Variants in NEDD4L observed in about 807,000 individuals in gnomAD.
The protein encoded by NEDD4L is E3 ubiquitin-protein ligase NEDD4-like.
In NEDD4L, 54 loss-of-function variants were observed where a neutral mutation model predicts 148.9. The observed-to-expected ratio is 0.36, with a 90% CI of 0.29 to 0.45. The LOEUF is 0.45. Ranked by LOEUF, NEDD4L falls within the 20% of genes least tolerant of loss-of-function variation. NEDD4L has a pLI of 1.00. For synonymous variants in NEDD4L, 433 were observed against 440.7 expected, an observed-to-expected ratio of 0.98 and a Z score of 0.22; for missense variants, 856 against 1,233.8, an observed-to-expected ratio of 0.69 and a Z score of 4.59.
At chr18:58,367,691 C>CA in intron 21 of NEDD4L, 55 bp from the exon 22 acceptor site, 1 of 1,605,196 alleles carries the variant, frequency 6.2e-7, no homozygotes, top group Non-Finnish European at 8.5e-7. Context: ...AACAAATATG[C>CA]AAAATCTTGC....
chr18:58,301,094 G>A lies in NEDD4L; in HGVS notation c.298-14888G>A, dbSNP rs1252104858. Among the ~76,000 whole-genome samples, 4 of 152,116 alleles carry A rather than the reference G, an allele frequency of 2.6e-5. No individual in the cohort carries two copies. In the East Asian group the frequency reaches 7.7e-4, roughly 29 times the overall value. ...TTCCCTTGGGTTCCATAGTGTGTTA[G>A]TCACCAGGTTCCTTTAACTCTCTCA... On this transcript the variant is annotated intron_variant, in intron 5 of 30. Coordinates refer to ENST00000400345, the MANE Select transcript of NEDD4L (RefSeq NM_001144967.3).
At chr18:58,391,735 G>T (rs2049860259) in intron 30 of NEDD4L, among the ~76,000 whole-genome samples, 176 bp downstream of exon 30, 1 of 152,228 alleles carries the variant, frequency 6.6e-6, no homozygotes, top group African/African-American at 2.4e-5. Context: ...AAGACATAAT[G>T]CACTCAGTAT....
At chr18:58,286,041 A>C (rs1182691248) in intron 5 of NEDD4L, among the ~76,000 whole-genome samples, 1 of 152,230 alleles carries the variant, frequency 6.6e-6, no homozygotes, top group Non-Finnish European at 1.5e-5. Flanking sequence ...AGAATATTAG[A>C]GCATTTTGCA....
intron 2 of NEDD4L, among the ~76,000 whole-genome samples, chr18:58,230,453 G>T (rs1459169500): frequency 2.0e-5 from 3 of 149,646 alleles, no homozygotes; most frequent in African/African-American, 7.4e-5. Context: ...GTTTCTTTGA[G>T]TGTATGTGAG....
intron 2 of NEDD4L, among the ~76,000 whole-genome samples, chr18:58,184,435 CTGGAGTCAATCATGCCGGGCACT>C (rs2039216344): frequency 6.6e-6 from 1 of 151,958 alleles, no homozygotes; most frequent in Non-Finnish European, 1.5e-5. Context: ...TGCTGGGCAC[CTGGAGTCAATCATGCCGGGCACT>C]AGCATCCGTC....
chr18:58,201,028 G>A (rs1214981146), intron 2 of NEDD4L, among the ~76,000 whole-genome samples: 1 of 152,152 alleles, frequency 6.6e-6, no homozygotes, highest in Non-Finnish European at 1.5e-5. Context: ...GTGTGTGTAT[G>A]TTAATGTTAG....
intron 2 of NEDD4L, among the ~76,000 whole-genome samples, chr18:58,216,647 G>A (rs1018887527): frequency 5.9e-5 from 9 of 152,182 alleles, no homozygotes; most frequent in Non-Finnish European, 1.0e-4. Flanking sequence ...AACTGGCTGG[G>A]GGCCACTGAG....
intron 5 of NEDD4L, among the ~76,000 whole-genome samples, chr18:58,290,332 C>A (rs541622805): frequency 1.3e-5 from 2 of 152,216 alleles, no homozygotes; most frequent in Non-Finnish European, 2.9e-5. Context: ...GATCCACATT[C>A]GTCATTGAAC....
chr18:58,223,785 G>A (rs770149034), intron 2 of NEDD4L, among the ~76,000 whole-genome samples: 1 of 152,232 alleles, frequency 6.6e-6, no homozygotes, highest in Non-Finnish European at 1.5e-5. Flanking sequence ...TTCAGAGGCC[G>A]TTGGCCTTCA....
intron 1 of NEDD4L, among the ~76,000 whole-genome samples, chr18:58,062,533 C>T (rs2144715638): frequency 6.6e-6 from 1 of 152,226 alleles, no homozygotes; most frequent in East Asian, 1.9e-4. Context: ...AAAAGGAGAG[C>T]TTAAAACTTA....
At chr18:58,267,185 C>T (rs2050337872) in intron 5 of NEDD4L, among the ~76,000 whole-genome samples, 1 of 151,946 alleles carries the variant, frequency 6.6e-6, no homozygotes, top group African/African-American at 2.4e-5. Flanking sequence ...AGAATATGCT[C>T]CTGAAGTTAA....
In NEDD4L at chr18:58,325,120, A is replaced by G. The variant is rs2059195284; in HGVS notation, c.638A>G (p.Asn213Ser). 1.9e-6 allele frequency: 3 copies of G among 1,614,040 alleles called. No homozygotes were observed. Among genetic ancestry groups the G allele is most frequent in the Non-Finnish European group, 2.5e-6 (3 of 1,179,890 alleles). ...AATTTAGGCCGAACTTACTATGTCAACCACAACAACCGGACCACTCAGTGG... is the reference window on the plus strand; with the variant it reads ...AATTTAGGCCGAACTTACTATGTCAGCCACAACAACCGGACCACTCAGTGG... Reference protein sequence around the residue: ...VDNLGRTYYVNHNNRTTQWHR... With the variant: ...VDNLGRTYYVSHNNRTTQWHR... The change falls in exon 9 of 31, where the codon AAC (asparagine) becomes AGC (serine). Residue 213 changes from asparagine (N) to serine (S), a missense_variant. Asn to Ser is a conservative substitution (Grantham distance 46). Coordinates refer to ENST00000400345, the MANE Select transcript of NEDD4L (RefSeq NM_001144967.3).
chr18:58,278,827 A>G (rs2052557254), intron 5 of NEDD4L, among the ~76,000 whole-genome samples: 1 of 152,164 alleles, frequency 6.6e-6, no homozygotes, highest in Non-Finnish European at 1.5e-5. Context: ...TTCAGAATAA[A>G]ATTGTTCACA....
chr18:58,185,986 AC>A (rs1177513295), intron 2 of NEDD4L, among the ~76,000 whole-genome samples: 1 of 152,198 alleles, frequency 6.6e-6, no homozygotes, highest in East Asian at 1.9e-4. Context: ...ACATATGCAC[AC>A]GTACAGAGAA....
At chr18:58,163,047 G>C (rs2036413833) in intron 1 of NEDD4L, among the ~76,000 whole-genome samples, 1 of 149,070 alleles carries the variant, frequency 6.7e-6, no homozygotes. Flanking sequence ...TTGGGTGATA[G>C]AGTAAGACTC....
intron 1 of NEDD4L, among the ~76,000 whole-genome samples, chr18:58,049,300 A>G (rs928763298): frequency 5.9e-5 from 9 of 152,244 alleles, no homozygotes; most frequent in African/African-American, 2.2e-4. Flanking sequence ...AGCCAACTGG[A>G]TGGCCGTCTG....
chr18:58,133,939 C>A (rs1220447141), intron 1 of NEDD4L, among the ~76,000 whole-genome samples: 1 of 152,100 alleles, frequency 6.6e-6, no homozygotes, highest in Non-Finnish European at 1.5e-5. Context: ...TACTTTATGT[C>A]CATTGTAGGG....
At chr18:58,146,704 G>T (rs1432412582) in intron 1 of NEDD4L, among the ~76,000 whole-genome samples, 1 of 152,076 alleles carries the variant, frequency 6.6e-6, no homozygotes, top group East Asian at 1.9e-4. Flanking sequence ...AGTGGCTAGG[G>T]AGGCAGGCAG....
At chr18:58,197,075 C>T (rs753819272) in intron 2 of NEDD4L, among the ~76,000 whole-genome samples, 3 of 152,082 alleles carry the variant, frequency 2.0e-5, no homozygotes, top group Non-Finnish European at 4.4e-5. Context: ...GGCGACTTCT[C>T]GTTGTGCTTG....
Sources: allele counts gnomAD v4.1 joint callset (sites outside exome capture counted in the v4.1 genomes callset), GRCh38; gene constraint gnomAD v4.1.1; transcripts MANE v1.5; gene names NCBI Gene and HGNC (gene_info 2026-07-23, HGNC 2026-07-21).